PRICKLE1: variants seen among roughly 807,000 people sequenced by gnomAD.
The protein encoded by PRICKLE1 is prickle planar cell polarity protein 1.
In PRICKLE1, 14 loss-of-function variants were observed where a neutral mutation model predicts 70.2. The observed-to-expected ratio is 0.20, with a 90% CI of 0.13 to 0.31. The LOEUF (loss-of-function observed/expected upper bound fraction) is 0.31, where lower values mean the gene tolerates loss of function less well. Ranked by LOEUF, PRICKLE1 falls within the 10% of genes least tolerant of loss-of-function variation. The pLI is 1.00. For missense variants in PRICKLE1, 821 were observed against 1,026.2 expected, an observed-to-expected ratio of 0.80 and a Z score of 2.73; for synonymous variants, 357 against 379.9, an observed-to-expected ratio of 0.94 and a Z score of 0.70.
chr12:42,571,303 A>T (rs753037993), intron 1 of PRICKLE1, among the ~76,000 whole-genome samples: 38 of 151,716 alleles, frequency 2.5e-4, no homozygotes, highest in Non-Finnish European at 4.9e-4. Flanking sequence ...GTTTCAGAGT[A>T]AAAAAAAAGA....
In PRICKLE1 at chr12:42,583,310, G is replaced by A. The variant is rs140063751; in HGVS notation, c.-49+6155C>T. Among the ~76,000 whole-genome samples the A allele has an allele frequency of 8.7e-4, 133 of 152,294 alleles. No homozygotes were observed. The Middle Eastern group carries it at 0.017, about 19-fold the overall frequency. On this transcript the variant is annotated intron_variant, in intron 1 of 7. Coordinates refer to ENST00000345127, the MANE Select transcript of PRICKLE1 (RefSeq NM_153026.3). ...AGCAATGGGCCTGGGTAAGGTGGAT[G>A]TGTCTGGCAAGCTAGGGTGTTCAGC...
intron 1 of PRICKLE1, among the ~76,000 whole-genome samples, chr12:42,511,097 A>G (rs1294761141): frequency 6.6e-6 from 1 of 152,214 alleles, no homozygotes; most frequent in Non-Finnish European, 1.5e-5. Flanking sequence ...ACAGGTTCCA[A>G]CAGCTCTCCC....
chr12:42,486,224 A>C (rs1208063402), intron 1 of PRICKLE1, among the ~76,000 whole-genome samples: 1 of 152,190 alleles, frequency 6.6e-6, no homozygotes, highest in Admixed American at 6.5e-5. Context: ...TCCATTTGCA[A>C]TATTTGTCTG....
chr12:42,547,922 G>C (rs1940241991), intron 1 of PRICKLE1, among the ~76,000 whole-genome samples: 1 of 152,084 alleles, frequency 6.6e-6, no homozygotes, highest in Non-Finnish European at 1.5e-5. Context: ...TCACGAACAT[G>C]GAACCCAAGT....
At chr12:42,552,103 G>A (rs920535419) in intron 1 of PRICKLE1, among the ~76,000 whole-genome samples, 1 of 136,968 alleles carries the variant, frequency 7.3e-6, no homozygotes, top group African/African-American at 2.8e-5. Flanking sequence ...CTCTCACTCT[G>A]TTGTCTAGGC....
rs1194531782 is a variant in PRICKLE1, at chr12:42,578,768, T to TTTATTTATTTAC, written c.-49+10696_-49+10697insGTAAATAAATAA. On this transcript the variant is annotated intron_variant, in intron 1 of 7. Transcript: ENST00000345127. ...TTTTATTTATTTATTTATTTATTTA[T>TTTATTTATTTAC]TTATTTATTTTGAGACTGAGTTTCA... Among the ~76,000 whole-genome samples the TTTATTTATTTAC allele has an allele frequency of 2.6e-5, 4 of 151,768 alleles. No homozygotes were observed. In the East Asian group the frequency reaches 7.7e-4, roughly 29 times the overall value.
intron 1 of PRICKLE1, chr12:42,550,357 T>G (rs1376249898): frequency 6.6e-6 from 1 of 152,120 alleles, no homozygotes; most frequent in Non-Finnish European, 1.5e-5. Flanking sequence ...AAAAATCTGT[T>G]GAGTAAATGA....
intron 1 of PRICKLE1, among the ~76,000 whole-genome samples, chr12:42,544,785 G>T (rs1419881420): frequency 6.6e-6 from 1 of 152,192 alleles, no homozygotes; most frequent in East Asian, 1.9e-4. Context: ...CCTGGCTGCT[G>T]AAGGCAATCA....
At chr12:42,468,600 G>A in intron 5 of PRICKLE1, 26 bp downstream of exon 5, 1 of 1,604,572 alleles carries the variant, frequency 6.2e-7, no homozygotes, top group Non-Finnish European at 8.5e-7. Context: ...ATTTTTCCCA[G>A]TGTGAAAGGA....
intron 1 of PRICKLE1, among the ~76,000 whole-genome samples, chr12:42,520,734 G>A (rs979652024): frequency 6.6e-6 from 1 of 152,126 alleles, no homozygotes; most frequent in Non-Finnish European, 1.5e-5. Context: ...AGATTTGGTT[G>A]GCTAGCAATA....
At chr12:42,588,137 C>T (rs1941012978) in intron 1 of PRICKLE1, among the ~76,000 whole-genome samples, 1 of 152,124 alleles carries the variant, frequency 6.6e-6, no homozygotes, top group Non-Finnish European at 1.5e-5. Context: ...AAGTGACAGG[C>T]AACAGCTGAG....
chr12:42,494,890 C>CTT (rs751252071), intron 1 of PRICKLE1, among the ~76,000 whole-genome samples: 4 of 131,050 alleles, frequency 3.1e-5, no homozygotes, highest in African/African-American at 8.4e-5. Context: ...TTCAGGTTTA[C>CTT]TTTTTTTTTT....
chr12:42,466,640 C>T (rs149548309), intron 5 of PRICKLE1, among the ~76,000 whole-genome samples: 69 of 152,198 alleles, frequency 4.5e-4, no homozygotes, highest in Admixed American at 7.9e-4. Flanking sequence ...AATTCTACAC[C>T]GGAGGTAATT....
rs142502371 is a variant in PRICKLE1 at position 42,464,786 on chromosome 12, C to T, written c.1248G>A (p.Thr416=). Residue 416 remains threonine (T), a synonymous_variant, in exon 7 of 8, where the codon ACG becomes ACA. Coordinates refer to ENST00000345127, the MANE Select transcript of PRICKLE1 (RefSeq NM_153026.3). The surrounding 1 kb of genome is among the most constrained non-coding windows in gnomAD (Gnocchi z 4.2). Reference sequence around the variant, plus strand: ...TATCACCAAACTTGAGGAGGAGCTGCGTCATATAATCTTCATGATCAGCCC... The same window carrying T: ...TATCACCAAACTTGAGGAGGAGCTGTGTCATATAATCTTCATGATCAGCCC... ...EEWADHEDYM[T]QLLLKFGDKS... The T allele has an allele frequency of 6.3e-5, 102 of 1,613,874 alleles. No individual in the cohort carries two copies. The highest frequency in any genetic ancestry group is 8.3e-5 in the Non-Finnish European group (98 of 1,180,006).
intron 1 of PRICKLE1, among the ~76,000 whole-genome samples, chr12:42,580,156 T>C (rs141096656): frequency 0.027 from 4,185 of 152,244 alleles, 96 homozygotes; most frequent in Non-Finnish European, 0.044. Context: ...ATTACAGGTG[T>C]GAGTCACCAC....
At chr12:42,560,521 G>T (rs1173285679) in intron 1 of PRICKLE1, among the ~76,000 whole-genome samples, 1 of 151,850 alleles carries the variant, frequency 6.6e-6, no homozygotes, top group African/African-American at 2.4e-5. Flanking sequence ...TGTTAGACAG[G>T]GTGGAAACAG....
chr12:42,556,095 T>A (rs1276727677), intron 1 of PRICKLE1, among the ~76,000 whole-genome samples: 2 of 152,188 alleles, frequency 1.3e-5, no homozygotes, highest in Non-Finnish European at 2.9e-5. Context: ...TAAAGTCCTA[T>A]TGATTATGTG....
At chr12:42,469,639 C>T (rs753411665) in intron 3 of PRICKLE1, 52 bp from the exon 4 acceptor site, 55 of 1,610,462 alleles carry the variant, frequency 3.4e-5, no homozygotes, top group Non-Finnish European at 4.7e-5. Flanking sequence ...GTCTTTCTCA[C>T]CAGTTCTCTA....
At chr12:42,548,238 G>T (rs1940246695) in intron 1 of PRICKLE1, among the ~76,000 whole-genome samples, 1 of 152,088 alleles carries the variant, frequency 6.6e-6, no homozygotes. Flanking sequence ...GTTACTTGAG[G>T]TGTGGAATTT....
Sources: gnomAD v4.1 joint callset for allele counts (sites outside exome capture counted in the v4.1 genomes callset) on GRCh38, gnomAD v4.1.1 for gene constraint, Gnocchi (gnomAD v3.1) non-coding constraint, MANE v1.5 for transcripts, NCBI Gene and HGNC (gene_info 2026-07-23, HGNC 2026-07-21) for gene names.